Variants in FHIT observed in about 807,000 individuals in gnomAD.
The protein encoded by FHIT is bis(5'-adenosyl)-triphosphatase.
Under a neutral mutation model 17.9 loss-of-function variants are expected in FHIT, and 19 were observed. The ratio of observed to expected loss-of-function variants is 1.06; its 90% CI spans 0.74 to 1.56. FHIT has a LOEUF of 1.56. FHIT is among the 40% of genes most tolerant of loss of function. The pLI, the probability that FHIT is intolerant of heterozygous loss-of-function variation, is 0.00. For missense variants in FHIT, 248 were observed against 189.2 expected, an observed-to-expected ratio of 1.31 and a Z score of -1.82; for synonymous variants, 81 against 69.7, an observed-to-expected ratio of 1.16 and a Z score of -0.81.
At chr3:61,049,469 A>G (rs1216169563) in intron 2 of FHIT, among the ~76,000 whole-genome samples, 1 of 152,064 alleles carries the variant, frequency 6.6e-6, no homozygotes, top group Non-Finnish European at 1.5e-5. Context: ...GGAAACTACT[A>G]TGAGTGGACA....
chr3:60,272,614 A>G (rs556453501), intron 5 of FHIT, among the ~76,000 whole-genome samples: 77 of 152,312 alleles, frequency 5.1e-4, no homozygotes, highest in African/African-American at 1.8e-3. Context: ...AATACTCTTG[A>G]AGTTCTGAAC....
chr3:60,027,140 C>CA lies in FHIT; in HGVS notation c.104-12989dup, dbSNP rs1209851135. ...ACACACACACACACACACACACACA[C>CA]ACACACACAAAATTAGTAAACCCAA... On this transcript the variant is annotated intron_variant, in intron 5 of 9. Transcript: ENST00000492590. Among the ~76,000 whole-genome samples the CA allele has an allele frequency of 9.8e-4, 115 of 116,772 alleles. 4 individuals carry two copies. The highest frequency in any genetic ancestry group is 1.3e-3 in the South Asian group (5 of 3,782). 76.6% of individuals were successfully genotyped at this position (116,772 alleles called of 152,430 possible).
At chr3:60,749,962 C>CT (rs1403444415) in intron 4 of FHIT, among the ~76,000 whole-genome samples, 1 of 152,094 alleles carries the variant, frequency 6.6e-6, no homozygotes, top group Non-Finnish European at 1.5e-5. Context: ...AAACTGGGAA[C>CT]TTTTTCTATG....
chr3:59,849,416 A>G (rs985108358), intron 8 of FHIT, among the ~76,000 whole-genome samples: 4 of 152,198 alleles, frequency 2.6e-5, no homozygotes, highest in African/African-American at 4.8e-5. Flanking sequence ...AATGCATATG[A>G]AAAAGATCAA....
At chr3:61,197,149 A>G (rs1337863818) in intron 2 of FHIT, among the ~76,000 whole-genome samples, 3 of 152,220 alleles carry the variant, frequency 2.0e-5, no homozygotes, top group Non-Finnish European at 2.9e-5. Context: ...CATCTGTTTA[A>G]GAAATATTCA....
At chr3:60,900,935 G>A (rs1270339619) in intron 3 of FHIT, among the ~76,000 whole-genome samples, 8 of 152,040 alleles carry the variant, frequency 5.3e-5, no homozygotes, top group African/African-American at 7.2e-5. Flanking sequence ...ATGCCACCAC[G>A]CTCGGCTAAT....
chr3:59,911,951 G>A (rs76671974), intron 8 of FHIT, among the ~76,000 whole-genome samples: 2,304 of 152,262 alleles, frequency 0.015, 57 homozygotes, highest in African/African-American at 0.051. Flanking sequence ...AGATGCCTCT[G>A]GTAGTTCATA....
At chr3:60,247,043 A>C (rs531392701) in intron 5 of FHIT, among the ~76,000 whole-genome samples, 1 of 152,258 alleles carries the variant, frequency 6.6e-6, no homozygotes, top group African/African-American at 2.4e-5. Context: ...CTAAGAGTGA[A>C]CCCTAATAGA....
chr3:60,950,151 A>G (rs1708814070), intron 3 of FHIT, among the ~76,000 whole-genome samples: 1 of 152,218 alleles, frequency 6.6e-6, no homozygotes, highest in South Asian at 2.1e-4. Context: ...CAGTAAAGTG[A>G]TGCTCACAAG....
At chr3:60,156,810 T>G (rs898658973) in intron 5 of FHIT, among the ~76,000 whole-genome samples, 12 of 152,136 alleles carry the variant, frequency 7.9e-5, no homozygotes, top group African/African-American at 2.9e-4. Context: ...TGCCAATCTA[T>G]TCCTCTTCAA....
intron 5 of FHIT, among the ~76,000 whole-genome samples, chr3:60,182,595 T>C (rs1423596329): frequency 6.6e-6 from 1 of 151,946 alleles, no homozygotes; most frequent in Non-Finnish European, 1.5e-5. Flanking sequence ...CTGGGCAACA[T>C]GGCAAGTTCC....
chr3:60,075,850 T>C (rs2107006174), intron 5 of FHIT, among the ~76,000 whole-genome samples: 1 of 152,270 alleles, frequency 6.6e-6, no homozygotes, highest in East Asian at 1.9e-4. Context: ...CTGTGATTTA[T>C]GCCATACCTC....
At chr3:60,709,750 T>G (rs564402970) in intron 4 of FHIT, among the ~76,000 whole-genome samples, 2 of 152,290 alleles carry the variant, frequency 1.3e-5, no homozygotes, top group East Asian at 3.9e-4. Context: ...AAGCTCATGG[T>G]GGCATATCCA....
intron 5 of FHIT, among the ~76,000 whole-genome samples, chr3:60,319,972 C>T (rs6782781): frequency 0.012 from 1,830 of 152,218 alleles, 40 homozygotes; most frequent in African/African-American, 0.042. Context: ...TCTCACAAAA[C>T]CGCAGTCACT....
intron 5 of FHIT, among the ~76,000 whole-genome samples, chr3:60,158,406 G>A (rs1164414235): frequency 6.6e-6 from 1 of 151,886 alleles, no homozygotes; most frequent in Non-Finnish European, 1.5e-5. Context: ...CCGCTTCCAG[G>A]GTTCAAACAA....
chr3:60,169,372 G>A (rs188140814), intron 5 of FHIT, among the ~76,000 whole-genome samples: 1 of 152,088 alleles, frequency 6.6e-6, no homozygotes, highest in Non-Finnish European at 1.5e-5. Flanking sequence ...TCATTGCATA[G>A]GGCAGGAAGA....
chr3:60,401,460 T>C (rs547016597), intron 5 of FHIT, among the ~76,000 whole-genome samples: 1 of 152,246 alleles, frequency 6.6e-6, no homozygotes, highest in African/African-American at 2.4e-5. Context: ...GAAGAGAAGA[T>C]GGGTATTGAC....
In FHIT at chr3:60,193,151, C is replaced by T. The variant is rs371600304; in HGVS notation, c.104-178999G>A. 4.6e-5 allele frequency among the ~76,000 whole-genome samples: 7 copies of T among 152,324 alleles called. No individual in the cohort carries two copies. In the East Asian group the frequency reaches 5.8e-4, roughly 13 times the overall value. On this transcript the variant is annotated intron_variant, in intron 5 of 9. Transcript: ENST00000492590. ...ACAAAATACACTTCAGAAATATGAA[C>T]ACTTAGAATGCACTTAGTCACTTTA... is the stretch of plus-strand genomic sequence containing the variant.
At chr3:60,455,882 T>C (rs2032059174) in intron 5 of FHIT, among the ~76,000 whole-genome samples, 1 of 152,128 alleles carries the variant, frequency 6.6e-6, no homozygotes, top group African/African-American at 2.4e-5. Context: ...AAATACATAA[T>C]TTTAAGAAGT....
Sources: allele counts gnomAD v4.1 joint callset (sites outside exome capture counted in the v4.1 genomes callset), GRCh38; gene constraint gnomAD v4.1.1; transcripts MANE v1.5; gene names NCBI Gene and HGNC (gene_info 2026-07-23, HGNC 2026-07-21).